The following MMP26 variants were observed in gnomAD, a reference collection of about 807,000 sequenced individuals.
The protein encoded by MMP26 is matrix metalloproteinase-26.
MMP26 carries 33 observed loss-of-function variants against 31.0 expected under a neutral mutation model. That is an observed-to-expected ratio of 1.06 (90% CI 0.81 to 1.42). MMP26 has a LOEUF of 1.42. Ranked by LOEUF, MMP26 falls within the 40% of genes most tolerant of loss-of-function variation. The pLI is 0.00. For missense variants in MMP26, 347 were observed against 316.1 expected (o/e 1.10, Z -0.74); for synonymous variants, 122 against 114.9 (o/e 1.06, Z -0.40).
chr11:4,857,693 G>A (rs188307382), intron 2 of MMP26, among the ~76,000 whole-genome samples: 16 of 152,178 alleles, frequency 1.1e-4, no homozygotes, highest in East Asian at 1.9e-4. Flanking sequence ...CCAATCAATA[G>A]AAAAAGAGGG....
intron 1 of MMP26, chr11:4,712,565 CA>C (rs1029150491): frequency 2.6e-5 from 4 of 152,022 alleles, no homozygotes; most frequent in African/African-American, 4.8e-5. Flanking sequence ...GAAAAGTTTT[CA>C]AAAATAATTT....
At chr11:4,790,926 C>A (rs1849016894) in intron 2 of MMP26, among the ~76,000 whole-genome samples, 1 of 152,192 alleles carries the variant, frequency 6.6e-6, no homozygotes, top group South Asian at 2.1e-4. Flanking sequence ...ACATTCAGAA[C>A]TTTGTATATA....
At chr11:4,849,768 T>C (rs1011463958) in intron 2 of MMP26, among the ~76,000 whole-genome samples, 1 of 152,230 alleles carries the variant, frequency 6.6e-6, no homozygotes, top group African/African-American at 2.4e-5. Context: ...TTTACTTTTT[T>C]AAAAATTCTC....
At chr11:4,922,402 A>G (rs1200325268) in intron 2 of MMP26, among the ~76,000 whole-genome samples, 1 of 152,202 alleles carries the variant, frequency 6.6e-6, no homozygotes, top group Non-Finnish European at 1.5e-5. Context: ...ATAAAGAGTT[A>G]CTAAGTTCAC....
chr11:4,724,610 A>G (rs748903236), intron 1 of MMP26, among the ~76,000 whole-genome samples: 6 of 152,254 alleles, frequency 3.9e-5, no homozygotes, highest in Non-Finnish European at 8.8e-5. Flanking sequence ...TTTGGAGAAT[A>G]TAAAATCTAA....
chr11:4,945,947 AT>A (rs1846292538), intron 2 of MMP26: 1 of 572,058 alleles, frequency 1.7e-6, no homozygotes, highest in African/African-American at 1.9e-5. Context: ...TAAGACATTT[AT>A]TTTTATTCTG....
intron 2 of MMP26, among the ~76,000 whole-genome samples, chr11:4,957,923 G>A (rs562738111): frequency 6.3e-4 from 96 of 152,100 alleles, no homozygotes; most frequent in Non-Finnish European, 1.1e-3. Flanking sequence ...CAGGTGATCC[G>A]CTTGCTTCAG....
intron 2 of MMP26, among the ~76,000 whole-genome samples, chr11:4,986,523 T>A (rs1846891907): frequency 2.6e-5 from 3 of 113,550 alleles, no homozygotes; most frequent in Admixed American, 8.9e-5. Context: ...TTTTTTTTTT[T>A]TTTTTTTTTT....
chr11:4,978,006 C>T (rs936900591), intron 2 of MMP26, among the ~76,000 whole-genome samples: 47 of 151,864 alleles, frequency 3.1e-4, no homozygotes, highest in African/African-American at 1.1e-3. Flanking sequence ...GATGGTTCCC[C>T]CATGTTGTTT....
At chr11:4,931,597 C>T (rs1373858899) in intron 2 of MMP26, among the ~76,000 whole-genome samples, 1 of 151,764 alleles carries the variant, frequency 6.6e-6, no homozygotes, top group Non-Finnish European at 1.5e-5. Flanking sequence ...GTTGAGGTAG[C>T]AAGGGCATGT....
Position 4,856,704 on chromosome 11 carries a change from G to C in MMP26, c.-145+89363G>C, listed in dbSNP as rs368664582. Among the ~76,000 whole-genome samples, 142 of 152,234 alleles carry C rather than the reference G, an allele frequency of 9.3e-4. 1 individual carries two copies. The East Asian group carries it at 0.024, about 25-fold the overall frequency. On this transcript the variant is annotated intron_variant, in intron 2 of 7. Transcript: ENST00000380390. ...CAAGGATATCCAGGACTTGAACTCA[G>C]CTCTGCACCAAGCAGACCTAATAGA... is the stretch of plus-strand genomic sequence containing the variant.
chr11:4,926,110 A>T (rs1851268628), intron 2 of MMP26, among the ~76,000 whole-genome samples: 1 of 152,212 alleles, frequency 6.6e-6, no homozygotes, highest in Non-Finnish European at 1.5e-5. Context: ...AAGAAAGAAT[A>T]CAATCCCTGT....
Position 4,835,003 on chromosome 11 carries a change from A to T in MMP26, c.-145+67662A>T, listed in dbSNP as rs568812618. On this transcript the variant is annotated intron_variant, in intron 2 of 7. Transcript: ENST00000380390. Reference sequence around the variant, plus strand: ...TAGACCTATATTCCCCCATGGAAACATTCAAACATTCAGTAGGCAACCCCT... The same window carrying T: ...TAGACCTATATTCCCCCATGGAAACTTTCAAACATTCAGTAGGCAACCCCT... Among the ~76,000 whole-genome samples the T allele has an allele frequency of 3.3e-5, 5 of 152,256 alleles. No individual in the cohort carries two copies. The South Asian group carries it at 8.3e-4, about 25-fold the overall frequency.
chr11:4,752,469 C>T (rs77240508), intron 1 of MMP26: 3,304 of 152,526 alleles, frequency 0.022, 49 homozygotes, highest in Non-Finnish European at 0.034. Flanking sequence ...CACGTGGCTG[C>T]GGCATAATGA....
chr11:4,963,494 G>T (rs1395954960), intron 2 of MMP26, among the ~76,000 whole-genome samples: 3 of 152,118 alleles, frequency 2.0e-5, no homozygotes, highest in Non-Finnish European at 4.4e-5. Context: ...ATACTACAAG[G>T]CTACAGTAAC....
chr11:4,982,074 A>G (rs1846821898), intron 2 of MMP26, among the ~76,000 whole-genome samples: 1 of 151,516 alleles, frequency 6.6e-6, no homozygotes, highest in South Asian at 2.1e-4. Flanking sequence ...ATGTATATAT[A>G]TATATACACA....
intron 1 of MMP26, among the ~76,000 whole-genome samples, chr11:4,753,676 A>G (rs1232800300): frequency 6.6e-6 from 1 of 152,146 alleles, no homozygotes; most frequent in Non-Finnish European, 1.5e-5. Flanking sequence ...ATTAACTTAG[A>G]TACCAAATTT....
intron 1 of MMP26, among the ~76,000 whole-genome samples, chr11:4,715,962 A>C (rs1338721384): frequency 3.9e-5 from 6 of 152,350 alleles, no homozygotes; most frequent in African/African-American, 9.6e-5. Context: ...TTACCTAATC[A>C]CGGAAGTCTT....
chr11:4,861,476 T>C (rs1356383282), intron 2 of MMP26, among the ~76,000 whole-genome samples: 1 of 151,574 alleles, frequency 6.6e-6, no homozygotes, highest in African/African-American at 2.4e-5. Flanking sequence ...TGTGTGTGTA[T>C]ATATATGTAT....
Sources: allele counts gnomAD v4.1 joint callset (sites outside exome capture counted in the v4.1 genomes callset), GRCh38; gene constraint gnomAD v4.1.1; transcripts MANE v1.5; gene names NCBI Gene and HGNC (gene_info 2026-07-23, HGNC 2026-07-21).